Variants in BEND6 observed in about 807,000 individuals in gnomAD.
BEND6 encodes BEN domain-containing protein 6.
In BEND6, 24 loss-of-function variants were observed where a neutral mutation model predicts 31.8. The observed-to-expected ratio is 0.75, with a 90% confidence interval of 0.55 to 1.06. The LOEUF (loss-of-function observed/expected upper bound fraction) is 1.06. Ranked by LOEUF, BEND6 falls within the 50% of genes least tolerant of loss-of-function variation. BEND6 has a pLI of 0.00. For missense variants in BEND6, 294 were observed against 327.4 expected, an observed-to-expected ratio of 0.90 and a Z score of 0.79; for synonymous variants, 109 against 114.6, an observed-to-expected ratio of 0.95 and a Z score of 0.31.
In BEND6 at chr6:56,967,875, C is replaced by T. The variant is rs148308603; in HGVS notation, c.-101+12415C>T. ...ACTAGGAGTGGTTGCCAGGTTCCAC[C>T]GTGGACCTCAGCTCCCTCATCTGTA... On this transcript the variant is annotated intron_variant, in intron 1 of 6. Transcript: ENST00000370746. 4.9e-4 allele frequency among the ~76,000 whole-genome samples: 75 copies of T among 152,334 alleles called. No homozygotes were observed. In the East Asian group the frequency reaches 0.012, roughly 25 times the overall value.
chr6:56,994,023 T>G (rs1305530218), intron 3 of BEND6, among the ~76,000 whole-genome samples: 1 of 152,212 alleles, frequency 6.6e-6, no homozygotes, highest in Non-Finnish European at 1.5e-5. Flanking sequence ...TTACATATTA[T>G]GTTTTTAAAA....
At chr6:56,973,146 A>G (rs2127845924) in intron 1 of BEND6, among the ~76,000 whole-genome samples, 3 of 152,298 alleles carry the variant, frequency 2.0e-5, no homozygotes, top group Admixed American at 2.0e-4. Context: ...GGAGTAGACA[A>G]TCTTTTCTTT....
At chr6:57,020,083 T>G (rs970714329) in intron 6 of BEND6, among the ~76,000 whole-genome samples, 31 of 152,136 alleles carry the variant, frequency 2.0e-4, no homozygotes, top group African/African-American at 6.0e-4. Context: ...AGTGAGACCT[T>G]GTTTCCAAAA....
At position 57,018,569 on chromosome 6, in the gene BEND6, A is replaced by G; in HGVS notation, c.*9+12A>G. On this transcript the variant is annotated intron_variant, in intron 6 of 6. Coordinates refer to ENST00000370746, the MANE Select transcript of BEND6 (RefSeq NM_152731.3). ...AATAGATCCTTTTGGTAAGTCTTTTAAATCTTCAGTCCTTTCAATGTGGCA... is the reference window on the plus strand; with the variant it reads ...AATAGATCCTTTTGGTAAGTCTTTTGAATCTTCAGTCCTTTCAATGTGGCA... 4 of 1,500,542 alleles carry G rather than the reference A, an allele frequency of 2.7e-6. No homozygotes were observed. Among genetic ancestry groups the G allele is most frequent in the Non-Finnish European group, 3.5e-6 (4 of 1,129,584 alleles). 93.0% of individuals were successfully genotyped at this position (1,500,542 alleles called of 1,614,324 possible).
intron 2 of BEND6, among the ~76,000 whole-genome samples, chr6:56,983,587 C>A (rs1007704925): frequency 6.6e-6 from 1 of 152,144 alleles, no homozygotes; most frequent in African/African-American, 2.4e-5. Context: ...TGGTTTACTT[C>A]ACCTAACATA....
intron 1 of BEND6, among the ~76,000 whole-genome samples, chr6:56,979,048 C>CA (rs1195384236): frequency 2.6e-5 from 4 of 152,310 alleles, no homozygotes; most frequent in South Asian, 4.1e-4. Context: ...CATCCCCACT[C>CA]AGATTTGCAA....
intron 1 of BEND6, among the ~76,000 whole-genome samples, chr6:56,976,624 G>A (rs1200734086): frequency 2.0e-5 from 3 of 152,114 alleles, no homozygotes; most frequent in Admixed American, 2.0e-4. Flanking sequence ...GAGTGCAGTG[G>A]CTCAATCTTG....
At chr6:56,956,466 G>A (rs551065717) in intron 1 of BEND6, among the ~76,000 whole-genome samples, 3 of 152,308 alleles carry the variant, frequency 2.0e-5, no homozygotes, top group Admixed American at 1.3e-4. Flanking sequence ...ACCTAAAAAG[G>A]CATTGGTTAA....
chr6:57,020,283 T>C (rs1827696915), intron 6 of BEND6, among the ~76,000 whole-genome samples: 1 of 151,906 alleles, frequency 6.6e-6, no homozygotes, highest in Non-Finnish European at 1.5e-5. Flanking sequence ...CTCTATTTTT[T>C]TTTTTTTTTT....
At position 57,015,328 on chromosome 6, in the gene BEND6, A is replaced by G. The variant is rs1425724812; in HGVS notation, c.494A>G (p.Glu165Gly). The part of the protein sequence containing the change: ...SSSPVSLKPE[E>G]EHQTDEKQFQ... ...TCACCAGTTTCCTTAAAGCCTGAGG[A>G]AGAGCATCAGACTGATGAGAAACAG... is the stretch of plus-strand genomic sequence containing the variant. Residue 165 changes from glutamate to glycine, a missense_variant, in exon 4 of 7, where the codon GAA (glutamate) becomes GGA (glycine). Glu to Gly is a moderately conservative substitution (Grantham distance 98, BLOSUM62 -2). Coordinates refer to ENST00000370746, the MANE Select transcript of BEND6 (RefSeq NM_152731.3). The G allele has an allele frequency of 4.3e-6, 7 of 1,613,842 alleles. No individual in the cohort carries two copies. Among genetic ancestry groups the G allele is most frequent in the Non-Finnish European group, 5.9e-6 (7 of 1,179,838 alleles).
At chr6:57,021,561 G>T (rs1827743190) in intron 6 of BEND6, among the ~76,000 whole-genome samples, 2 of 152,000 alleles carry the variant, frequency 1.3e-5, no homozygotes, top group Non-Finnish European at 2.9e-5. Flanking sequence ...TTATTCCTGT[G>T]GCTGCCCTAA....
chr6:56,984,291 G>A lies in BEND6; in HGVS notation c.120+2361G>A, dbSNP rs946651777. On this transcript the variant is annotated intron_variant, in intron 2 of 6. Coordinates refer to ENST00000370746, the MANE Select transcript of BEND6 (RefSeq NM_152731.3). ...ACAATTTATCTGGGAAAAATACATAGGAGGGTGATTTATACCTTGTAAGTT... is the reference window on the plus strand; with the variant it reads ...ACAATTTATCTGGGAAAAATACATAAGAGGGTGATTTATACCTTGTAAGTT... Among the ~76,000 whole-genome samples the A allele has an allele frequency of 2.0e-5, 3 of 151,968 alleles. No individual in the cohort carries two copies. The South Asian group carries it at 6.2e-4, about 32-fold the overall frequency.
At chr6:56,969,852 T>C (rs1212287336) in intron 1 of BEND6, among the ~76,000 whole-genome samples, 1 of 152,154 alleles carries the variant, frequency 6.6e-6, no homozygotes, top group Non-Finnish European at 1.5e-5. Flanking sequence ...CTTCCATTAA[T>C]TACAAAACTC....
intron 1 of BEND6, among the ~76,000 whole-genome samples, chr6:56,956,887 T>C (rs1211459471): frequency 6.6e-6 from 1 of 152,242 alleles, no homozygotes; most frequent in Non-Finnish European, 1.5e-5. Context: ...CTCCACCGCA[T>C]TGACTCAACA....
intron 3 of BEND6, among the ~76,000 whole-genome samples, chr6:56,994,302 A>C (rs1412136420): frequency 6.6e-6 from 1 of 151,776 alleles, no homozygotes; most frequent in African/African-American, 2.4e-5. Flanking sequence ...TACTAAAAAT[A>C]GAAAAAATTA....
At chr6:56,972,541 A>G (rs1198168471) in intron 1 of BEND6, among the ~76,000 whole-genome samples, 2 of 152,244 alleles carry the variant, frequency 1.3e-5, no homozygotes, top group Non-Finnish European at 2.9e-5. Context: ...AGGAAAAAGG[A>G]TTGAAAGGAA....
At chr6:56,986,529 C>T (rs969552086) in intron 2 of BEND6, among the ~76,000 whole-genome samples, 3 of 152,112 alleles carry the variant, frequency 2.0e-5, no homozygotes, top group African/African-American at 7.2e-5. Context: ...GTTGTGTTTT[C>T]TATAACTGAT....
chr6:56,996,886 C>T (rs377476322), intron 3 of BEND6, among the ~76,000 whole-genome samples: 2 of 152,208 alleles, frequency 1.3e-5, no homozygotes, highest in East Asian at 1.9e-4. Context: ...ATCCCTACTT[C>T]TGTTCTTGTT....
chr6:57,000,295 C>T (rs933307657), intron 3 of BEND6, among the ~76,000 whole-genome samples: 2 of 152,138 alleles, frequency 1.3e-5, no homozygotes, highest in South Asian at 4.2e-4. Context: ...CCCCCAACCC[C>T]GTGCTCTCTG....
Sources: allele counts gnomAD v4.1 joint callset (sites outside exome capture counted in the v4.1 genomes callset), GRCh38; gene constraint gnomAD v4.1.1; transcripts MANE v1.5; gene names NCBI Gene and HGNC (gene_info 2026-07-23, HGNC 2026-07-21).